Variants in USP13 observed in about 807,000 individuals in gnomAD.
USP13 encodes ubiquitin carboxyl-terminal hydrolase 13.
USP13 carries 68 observed loss-of-function variants against 107.8 expected under a neutral mutation model. The ratio of observed to expected loss-of-function variants is 0.63; its 90% CI spans 0.52 to 0.77. USP13 has a LOEUF of 0.77. USP13 is among the 30% of genes least tolerant of loss of function. The probability of loss-of-function intolerance (pLI) is 0.00; values close to 1 mark genes in which losing one functional copy is unlikely to be tolerated. For synonymous variants in USP13, 377 were observed against 389.5 expected (o/e 0.97, Z 0.38); for missense variants, 945 against 1,093.3 (o/e 0.86, Z 1.91).
chr3:179,775,046 A>T (rs1264471223), intron 19 of USP13, among the ~76,000 whole-genome samples: 1 of 152,166 alleles, frequency 6.6e-6, no homozygotes, highest in African/African-American at 2.4e-5. Context: ...CTTGAGCTAG[A>T]CACAGAGTGC....
intron 6 of USP13, among the ~76,000 whole-genome samples, chr3:179,713,858 A>T (rs1713012099): frequency 6.6e-6 from 1 of 152,154 alleles, no homozygotes; most frequent in South Asian, 2.1e-4. Context: ...TTGTCTAATG[A>T]GACACTGCTA....
intron 10 of USP13, among the ~76,000 whole-genome samples, chr3:179,738,560 C>T (rs1477065205): frequency 6.6e-6 from 1 of 152,142 alleles, no homozygotes; most frequent in Non-Finnish European, 1.5e-5. Flanking sequence ...CAAGTATTAA[C>T]GAGACAGTAG....
chr3:179,732,634 C>T (rs1488406791), intron 10 of USP13, among the ~76,000 whole-genome samples: 5 of 151,608 alleles, frequency 3.3e-5, no homozygotes, highest in Admixed American at 6.6e-5. Context: ...GTGACCGTTT[C>T]TGTGCTCTTG....
In USP13 at chr3:179,706,896, A is replaced by G. The variant is rs375369301; in HGVS notation, c.478-38A>G. The G allele has an allele frequency of 3.8e-6, 6 of 1,560,052 alleles. No homozygotes were observed. The East Asian group carries it at 6.9e-5, about 18-fold the overall frequency. Reference sequence around the variant, plus strand: ...TCACTAGCAAATCGTTATTTTCTCAAACTGTTTTTATATATTACATCTGGG... The same window carrying G: ...TCACTAGCAAATCGTTATTTTCTCAGACTGTTTTTATATATTACATCTGGG... On this transcript the variant is annotated intron_variant, in intron 4 of 20. Coordinates refer to ENST00000263966, the MANE Select transcript of USP13 (RefSeq NM_003940.3).
intron 1 of USP13, among the ~76,000 whole-genome samples, chr3:179,679,726 A>C (rs1711580528): frequency 6.6e-6 from 1 of 151,936 alleles, no homozygotes; most frequent in Non-Finnish European, 1.5e-5. Context: ...ATAGAGGGAT[A>C]AAAGGAGAAA....
Position 179,784,334 on chromosome 3 carries a change from CTATTA to C in USP13, c.*198_*202del. 4.0e-6 allele frequency: 2 copies of C among 494,524 alleles called. No homozygotes were observed. The highest frequency in any genetic ancestry group is 7.1e-6 in the Non-Finnish European group (2 of 280,020). 30.6% of individuals were successfully genotyped at this position (494,524 alleles called of 1,614,324 possible). A position where few individuals can be genotyped will look rare whatever the true frequency, so the allele number is the denominator to read the frequency against. ...AGAAATTTCTATTAGTGATGATACACTATTATATTGTAGATAGTTTTTATAAATGT... is the reference window on the plus strand; with the variant it reads ...AGAAATTTCTATTAGTGATGATACACTATTGTAGATAGTTTTTATAAATGT... On this transcript the variant is annotated 3_prime_UTR_variant, in exon 21 of 21. Transcript: ENST00000263966.
chr3:179,665,449 T>C (rs1203182538), intron 1 of USP13, among the ~76,000 whole-genome samples: 2 of 152,206 alleles, frequency 1.3e-5, no homozygotes, highest in Admixed American at 6.5e-5. Context: ...GCCCCTGTTT[T>C]ACGGATGAGG....
chr3:179,774,438 G>A (rs114500723), intron 19 of USP13, among the ~76,000 whole-genome samples: 2,468 of 152,276 alleles, frequency 0.016, 31 homozygotes, highest in Middle Eastern at 0.027. Context: ...TCTTCTGCTG[G>A]GTTCCTGGTC....
chr3:179,740,131 G>A (rs1210891391), intron 10 of USP13, 116 bp from the exon 11 acceptor site: 2 of 1,441,170 alleles, frequency 1.4e-6, no homozygotes, highest in Admixed American at 3.8e-5. Flanking sequence ...ACCTTCTTTG[G>A]GCTGTAGTTT....
intron 1 of USP13, among the ~76,000 whole-genome samples, chr3:179,677,418 T>A (rs2108449417): frequency 6.6e-6 from 1 of 151,900 alleles, no homozygotes; most frequent in South Asian, 2.1e-4. Flanking sequence ...CCGTCTCTAC[T>A]GAAAATACAA....
At chr3:179,728,973 A>G (rs1713689475) in intron 8 of USP13, among the ~76,000 whole-genome samples, 1 of 125,074 alleles carries the variant, frequency 8.0e-6, no homozygotes, top group Non-Finnish European at 1.8e-5. Context: ...CCGTGGGGAG[A>G]CGGAGAGGAA....
chr3:179,750,304 G>GTGTGTGTATA (rs1553797352), intron 13 of USP13, among the ~76,000 whole-genome samples: 2 of 113,516 alleles, frequency 1.8e-5, no homozygotes, highest in African/African-American at 5.8e-5. Flanking sequence ...ATATGTGTGT[G>GTGTGTGTATA]TATATATATA....
chr3:179,704,839 C>T (rs1712657510), intron 4 of USP13, among the ~76,000 whole-genome samples: 1 of 152,158 alleles, frequency 6.6e-6, no homozygotes, highest in African/African-American at 2.4e-5. Flanking sequence ...GGCCGGGGAC[C>T]TCCTCCTTGT....
intron 12 of USP13, 87 bp from the exon 13 acceptor site, chr3:179,744,956 C>A (rs763712751): frequency 4.6e-6 from 7 of 1,538,184 alleles, no homozygotes; most frequent in Non-Finnish European, 6.2e-6. Context: ...GCGCAGAAGC[C>A]TTCAGGGAAG....
intron 14 of USP13, among the ~76,000 whole-genome samples, chr3:179,754,156 TG>T (rs1460955418): frequency 6.6e-6 from 1 of 152,152 alleles, no homozygotes; most frequent in Non-Finnish European, 1.5e-5. Context: ...TGGTCTTGCT[TG>T]GGTGTTCCCA....
At chr3:179,772,656 C>T (rs1715376157) in intron 19 of USP13, among the ~76,000 whole-genome samples, 1 of 152,240 alleles carries the variant, frequency 6.6e-6, no homozygotes. Context: ...GCACTTGTTG[C>T]AGTTCCTAAT....
chr3:179,656,480 C>T (rs1268242451), intron 1 of USP13, among the ~76,000 whole-genome samples: 1 of 152,264 alleles, frequency 6.6e-6, no homozygotes, highest in African/African-American at 2.4e-5. Context: ...TATCTCTCTT[C>T]CCTTCTTCCC....
chr3:179,766,400 A>AT (rs1715176945), intron 19 of USP13, among the ~76,000 whole-genome samples: 1 of 152,026 alleles, frequency 6.6e-6, no homozygotes, highest in Non-Finnish European at 1.5e-5. Context: ...GCCAACTTTG[A>AT]TTTTGTCTGT....
chr3:179,653,569 C>A lies in USP13; in HGVS notation c.168+176C>A. 1.1e-6 allele frequency: 1 copy of A among 882,146 alleles called. No homozygotes were observed. The highest frequency in any genetic ancestry group is 1.7e-6 in the Non-Finnish European group (1 of 603,762). The allele number at this position is 882,146 out of a possible 1,614,324, so 54.6% of individuals were successfully genotyped here. On this transcript the variant is annotated intron_variant, in intron 1 of 20. Coordinates refer to ENST00000263966, the MANE Select transcript of USP13 (RefSeq NM_003940.3). This position sits in a 1 kb window ranked among gnomAD's most constrained non-coding sequence, Gnocchi z 4.0. ...GTGAGCGCCCCAGGGCTGCTGCAGC[C>A]GAGGACTGGCTCGTGCTGGTGGTTT...
Sources: gnomAD v4.1 joint callset for allele counts (sites outside exome capture counted in the v4.1 genomes callset) on GRCh38, gnomAD v4.1.1 for gene constraint, Gnocchi (gnomAD v3.1) non-coding constraint, MANE v1.5 for transcripts, NCBI Gene and HGNC (gene_info 2026-07-23, HGNC 2026-07-21) for gene names.